Variants in ASTN1 observed in about 807,000 individuals in gnomAD.
ASTN1 encodes the protein astrotactin-1.
A neutral mutation model predicts 140.7 loss-of-function variants in ASTN1; 41 were observed. The ratio of observed to expected loss-of-function variants is 0.29; its 90% CI spans 0.23 to 0.38. The LOEUF is 0.38. Among genes scored for constraint, ASTN1 ranks in the 10% least tolerant of loss-of-function variants. The pLI is 1.00. For synonymous variants in ASTN1, 640 were observed against 652.2 expected, an observed-to-expected ratio of 0.98 and a Z score of 0.29; for missense variants, 1,479 against 1,678.8, an observed-to-expected ratio of 0.88 and a Z score of 2.08.
At chr1:176,941,491 C>T (rs1049982510) in intron 14 of ASTN1, among the ~76,000 whole-genome samples, 3 of 152,158 alleles carry the variant, frequency 2.0e-5, no homozygotes, top group African/African-American at 7.2e-5. Flanking sequence ...ATCTGGGCAT[C>T]CTTCTATTCC....
chr1:177,014,379 A>G (rs1187929876), intron 8 of ASTN1, among the ~76,000 whole-genome samples: 1 of 152,122 alleles, frequency 6.6e-6, no homozygotes, highest in African/African-American at 2.4e-5. Context: ...AGTCCTGGTG[A>G]AAACAAATTT....
chr1:176,871,482 G>A (rs1227849732), intron 21 of ASTN1, among the ~76,000 whole-genome samples: 2 of 152,174 alleles, frequency 1.3e-5, no homozygotes, highest in Admixed American at 1.3e-4. Flanking sequence ...CTGAGGAGGT[G>A]CCTATCATTC....
chr1:177,021,298 A>C (rs540840641), intron 7 of ASTN1, among the ~76,000 whole-genome samples: 17 of 152,312 alleles, frequency 1.1e-4, no homozygotes, highest in African/African-American at 3.6e-4. Context: ...GACATTGAGA[A>C]GCTATTAGCA....
chr1:176,997,208 T>A (rs1266639914), intron 8 of ASTN1, among the ~76,000 whole-genome samples: 3 of 152,154 alleles, frequency 2.0e-5, no homozygotes, highest in Non-Finnish European at 4.4e-5. Context: ...ATTCTTTTGT[T>A]TACTCCTCAC....
At chr1:177,012,110 A>G (rs533591188) in intron 8 of ASTN1, among the ~76,000 whole-genome samples, 230 of 152,332 alleles carry the variant, frequency 1.5e-3, no homozygotes, top group African/African-American at 5.4e-3. Context: ...ATTCAGGAAA[A>G]TCAGACATAC....
intron 13 of ASTN1, among the ~76,000 whole-genome samples, chr1:176,945,713 A>T (rs1429799042): frequency 1.3e-5 from 2 of 152,244 alleles, no homozygotes; most frequent in Admixed American, 6.5e-5. Flanking sequence ...ATCTCATTTA[A>T]CACTTTACTG....
Position 176,861,257 on chromosome 1 carries a change from T to A in ASTN1, c.*3027A>T. 1 of 984,072 alleles carries A rather than the reference T, an allele frequency of 1.0e-6. No individual in the cohort carries two copies. The highest frequency in any genetic ancestry group is 1.2e-6 in the Non-Finnish European group (1 of 828,286). The allele number at this position is 984,072 out of a possible 1,614,324, so 61.0% of individuals were successfully genotyped here. On this transcript the variant is annotated 3_prime_UTR_variant, in exon 23 of 23. Coordinates refer to ENST00000361833, the MANE Select transcript of ASTN1 (RefSeq NM_004319.3). ...TAGAACATTTGAATATCAAGAAGTG[T>A]AGTTAACTAAAAAATAATGAACGGA...
chr1:176,894,908 C>T, intron 16 of ASTN1, 78 bp from the exon 17 acceptor site: 3 of 1,565,656 alleles, frequency 1.9e-6, no homozygotes, highest in Admixed American at 1.7e-5. Flanking sequence ...CCCCTGAGTG[C>T]TGGGGTCCAA....
intron 16 of ASTN1, among the ~76,000 whole-genome samples, chr1:176,927,322 C>T (rs1671014737): frequency 6.6e-6 from 1 of 152,032 alleles, no homozygotes; most frequent in Non-Finnish European, 1.5e-5. Context: ...GATAACCCCG[C>T]TGATATGCAC....
In ASTN1 at chr1:176,888,178, A is replaced by G. The variant is rs1179499344; in HGVS notation, c.2967T>C (p.Ser989=). Reference sequence around the variant, plus strand: ...CATCTCCAGTCCCTGAGCACCAGAGAGAGCTCATGGTAGCCTCCTGCAAGA... The same window carrying G: ...CATCTCCAGTCCCTGAGCACCAGAGGGAGCTCATGGTAGCCTCCTGCAAGA... ...QRLLQEATMS[S]LWCSGTGDVI... is the part of the protein sequence containing the mutation. The change falls in exon 18 of 23, where the codon TCT becomes TCC. Residue 989 remains serine, a synonymous_variant. Coordinates refer to ENST00000361833, the MANE Select transcript of ASTN1 (RefSeq NM_004319.3). The G allele has an allele frequency of 6.2e-7, 1 of 1,614,072 alleles. No individual in the cohort carries two copies. The highest frequency in any genetic ancestry group is 1.7e-5 in the Admixed American group (1 of 60,022).
intron 8 of ASTN1, among the ~76,000 whole-genome samples, chr1:177,006,976 C>A (rs1675031250): frequency 6.6e-6 from 1 of 152,218 alleles, no homozygotes; most frequent in African/African-American, 2.4e-5. Context: ...ACATTGCTCT[C>A]TCTTTTAAAT....
intron 16 of ASTN1, among the ~76,000 whole-genome samples, chr1:176,925,601 AAG>A (rs1670922690): frequency 6.6e-6 from 1 of 152,160 alleles, no homozygotes; most frequent in Non-Finnish European, 1.5e-5. Context: ...ACAAAAAACT[AAG>A]AGTTAATGGC....
chr1:177,134,073 G>A (rs140005195), intron 1 of ASTN1, among the ~76,000 whole-genome samples: 1 of 152,224 alleles, frequency 6.6e-6, no homozygotes, highest in African/African-American at 2.4e-5. Flanking sequence ...CAGATCTCTG[G>A]ATCCACAAAT....
rs764938111 is a variant in ASTN1, at chr1:177,164,440, G to A, written c.237C>T (p.Val79=). Residue 79 remains valine, a synonymous_variant, in exon 1 of 23, where the codon GTC becomes GTT. Transcript: ENST00000361833. ...SVRNDFPGEM[V]VVDDLENTEL... is the part of the protein sequence containing the mutation. The stretch of plus-strand genomic sequence containing the variant: ...CCGTGTTCTCCAGGTCGTCCACCAC[G>A]ACCATTTCTCCCGGGAAGTCGTTGC... The A allele has an allele frequency of 1.2e-6, 2 of 1,613,444 alleles. No homozygotes were observed. The highest frequency in any genetic ancestry group is 1.7e-5 in the Admixed American group (1 of 59,978).
intron 1 of ASTN1, among the ~76,000 whole-genome samples, chr1:177,098,186 A>C (rs1021138267): frequency 6.6e-6 from 1 of 151,982 alleles, no homozygotes; most frequent in African/African-American, 2.4e-5. Context: ...AAGGGGGAGC[A>C]GTATTATGGG....
rs184993972 is a variant in ASTN1 at position 177,037,019 on chromosome 1, C to A, written c.472-4170G>T. Among the ~76,000 whole-genome samples, 776 of 152,148 alleles carry A rather than the reference C, an allele frequency of 5.1e-3. 5 individuals carry two copies. The highest frequency in any genetic ancestry group is 6.8e-3 in the Non-Finnish European group (461 of 68,004). ...ATTTTTAGTAGAGACAGGGTTTGAC[C>A]ATGTCGGGGAGGCTGGTCTCTAACT... On this transcript the variant is annotated intron_variant, in intron 2 of 22. Transcript: ENST00000361833.
At chr1:177,023,248 G>T in intron 7 of ASTN1, 156 bp downstream of exon 7, 1 of 924,658 alleles carries the variant, frequency 1.1e-6, no homozygotes, top group Non-Finnish European at 1.6e-6. Context: ...TAGCCAATAA[G>T]CTCTGCGGCC....
chr1:177,051,208 A>G (rs914788237), intron 2 of ASTN1, among the ~76,000 whole-genome samples: 2 of 152,210 alleles, frequency 1.3e-5, no homozygotes, highest in Non-Finnish European at 2.9e-5. Flanking sequence ...AAAACTAGCA[A>G]ATTATTGTCT....
chr1:177,063,049 T>C (rs1046650590), intron 1 of ASTN1, among the ~76,000 whole-genome samples: 4 of 152,170 alleles, frequency 2.6e-5, no homozygotes, highest in Admixed American at 6.6e-5. Context: ...GCAAGTGGAC[T>C]TCCTTTCAAT....
Sources: allele counts gnomAD v4.1 joint callset (sites outside exome capture counted in the v4.1 genomes callset), GRCh38; gene constraint gnomAD v4.1.1; transcripts MANE v1.5; gene names NCBI Gene and HGNC (gene_info 2026-07-23, HGNC 2026-07-21).